The following NTM variants were observed in gnomAD, a reference collection of about 807,000 sequenced individuals.
The protein encoded by NTM is IgLON family member 2.
In NTM, 13 loss-of-function variants were observed where a neutral mutation model predicts 42.1. The observed-to-expected ratio is 0.31, with a 90% confidence interval of 0.20 to 0.49. NTM has a LOEUF of 0.49. NTM is among the 20% of genes least tolerant of loss of function. The pLI, the probability that NTM is intolerant of heterozygous loss-of-function variation, is 0.99. For synonymous variants in NTM, 187 were observed against 179.2 expected, an observed-to-expected ratio of 1.04 and a Z score of -0.35; for missense variants, 373 against 452.8, an observed-to-expected ratio of 0.82 and a Z score of 1.60.
At chr11:131,763,653 T>A (rs900407181) in intron 1 of NTM, among the ~76,000 whole-genome samples, 13 of 148,150 alleles carry the variant, frequency 8.8e-5, no homozygotes, top group Non-Finnish European at 1.5e-4. Context: ...ACCCCAGGGA[T>A]CCTCATTCCC....
At chr11:132,280,187 A>C (rs1306929055) in intron 4 of NTM, among the ~76,000 whole-genome samples, 1 of 152,242 alleles carries the variant, frequency 6.6e-6, no homozygotes, top group Non-Finnish European at 1.5e-5. Context: ...CCTTCTGTAC[A>C]TATAGGGCAG....
intron 1 of NTM, among the ~76,000 whole-genome samples, chr11:131,514,218 C>T (rs2048609655): frequency 6.6e-6 from 1 of 152,150 alleles, no homozygotes; most frequent in Non-Finnish European, 1.5e-5. Flanking sequence ...CCTGATATGT[C>T]CAGTCTCTGG....
At chr11:131,389,237 C>A (rs1355388822) in intron 1 of NTM, among the ~76,000 whole-genome samples, 2 of 152,160 alleles carry the variant, frequency 1.3e-5, no homozygotes, top group Non-Finnish European at 2.9e-5. Context: ...TGCAGCCACC[C>A]CTTACCTGCC....
intron 1 of NTM, among the ~76,000 whole-genome samples, chr11:131,781,997 G>A (rs1324439756): frequency 6.6e-6 from 1 of 152,156 alleles, no homozygotes; most frequent in Non-Finnish European, 1.5e-5. Context: ...GAGGACTCCT[G>A]GAATTCATTA....
intron 1 of NTM, among the ~76,000 whole-genome samples, chr11:131,393,836 C>T (rs1488697499): frequency 1.3e-5 from 2 of 152,338 alleles, no homozygotes; most frequent in East Asian, 1.9e-4. Flanking sequence ...ACCAGTGATA[C>T]GTGCAATTGG....
intron 8 of NTM, among the ~76,000 whole-genome samples, chr11:132,331,922 C>T (rs1396790326): frequency 6.6e-6 from 1 of 152,120 alleles, no homozygotes; most frequent in Non-Finnish European, 1.5e-5. Context: ...GCAAGGGCAC[C>T]AAACTAGGTG....
At chr11:131,407,966 G>T (rs1305217727) in intron 1 of NTM, among the ~76,000 whole-genome samples, 1 of 152,198 alleles carries the variant, frequency 6.6e-6, no homozygotes, top group Non-Finnish European at 1.5e-5. Flanking sequence ...TTATTCACTG[G>T]TTACTCCGAA....
intron 1 of NTM, chr11:131,660,515 CA>C (rs2067869515): frequency 2.2e-6 from 1 of 457,450 alleles, no homozygotes; most frequent in African/African-American, 2.0e-5. Flanking sequence ...CACCAGCCGG[CA>C]CTGACCCTGG....
chr11:131,812,198 CT>C (rs1452058867), intron 1 of NTM, among the ~76,000 whole-genome samples: 1 of 29,294 alleles, frequency 3.4e-5, no homozygotes, highest in Non-Finnish European at 1.1e-4. Flanking sequence ...CTCTCTCTCT[CT>C]CTCTCTCTCT....
At chr11:132,160,888 G>T (rs778623017) in intron 3 of NTM, among the ~76,000 whole-genome samples, 20 of 152,284 alleles carry the variant, frequency 1.3e-4, no homozygotes, top group Admixed American at 2.0e-4. Context: ...GAAGGAGGAG[G>T]GTGAGAGGAG....
intron 2 of NTM, among the ~76,000 whole-genome samples, chr11:131,983,667 C>T (rs867778224): frequency 1.6e-4 from 25 of 152,258 alleles, no homozygotes; most frequent in Middle Eastern, 6.8e-3. Flanking sequence ...TGAGCCACCA[C>T]GACTGGCTAT....
At chr11:131,739,218 T>C (rs2080871476) in intron 1 of NTM, among the ~76,000 whole-genome samples, 1 of 151,826 alleles carries the variant, frequency 6.6e-6, no homozygotes, top group South Asian at 2.1e-4. Context: ...CCAGTGTTAA[T>C]AGTGTTTTGA....
chr11:131,484,359 A>T (rs1422738498), intron 1 of NTM, among the ~76,000 whole-genome samples: 1 of 152,240 alleles, frequency 6.6e-6, no homozygotes, highest in Admixed American at 6.5e-5. Context: ...AGACTGGCAC[A>T]TCCCCAAGAG....
intron 2 of NTM, chr11:131,984,799 T>C (rs1316340162): frequency 6.6e-6 from 1 of 152,216 alleles, no homozygotes; most frequent in Non-Finnish European, 1.5e-5. Context: ...TAGATATAAC[T>C]CATAGACCTA....
chr11:131,818,887 G>T (rs1332607065), intron 1 of NTM, among the ~76,000 whole-genome samples: 2 of 152,118 alleles, frequency 1.3e-5, no homozygotes, highest in Non-Finnish European at 2.9e-5. Flanking sequence ...CACGGAAAAG[G>T]AACTCAGTAC....
chr11:131,391,808 A>T (rs190185745), intron 1 of NTM, among the ~76,000 whole-genome samples: 1 of 152,248 alleles, frequency 6.6e-6, no homozygotes, highest in Non-Finnish European at 1.5e-5. Context: ...CACCAAGATG[A>T]ATATGTCAGA....
chr11:131,448,378 G>T (rs73586796), intron 1 of NTM, among the ~76,000 whole-genome samples: 2,389 of 152,282 alleles, frequency 0.016, 63 homozygotes, highest in African/African-American at 0.055. Flanking sequence ...GCCCCACACA[G>T]GCCAGCCTCC....
At chr11:131,797,399 T>C (rs2091685176) in intron 1 of NTM, among the ~76,000 whole-genome samples, 1 of 152,166 alleles carries the variant, frequency 6.6e-6, no homozygotes, top group Non-Finnish European at 1.5e-5. Context: ...GAACTGATAA[T>C]GGAAATGAAG....
intron 1 of NTM, among the ~76,000 whole-genome samples, chr11:131,866,056 T>TAC (rs1236801272): frequency 3.6e-5 from 5 of 137,296 alleles, no homozygotes; most frequent in Non-Finnish European, 7.9e-5. Context: ...ACACACACAC[T>TAC]ACACACACAC....
Sources: allele counts gnomAD v4.1 joint callset (sites outside exome capture counted in the v4.1 genomes callset), GRCh38; gene constraint gnomAD v4.1.1; transcripts MANE v1.5; gene names NCBI Gene and HGNC (gene_info 2026-07-23, HGNC 2026-07-21).